ERC2: variants seen among roughly 807,000 people sequenced by gnomAD.
The protein encoded by ERC2 is ERC protein 2.
A neutral mutation model predicts 114.8 loss-of-function variants in ERC2; 42 were observed. The ratio of observed to expected loss-of-function variants is 0.37; its 90% confidence interval spans 0.29 to 0.47. The LOEUF (loss-of-function observed/expected upper bound fraction) is 0.47. ERC2 is among the 20% of genes least tolerant of loss of function. The pLI, the probability that ERC2 is intolerant of heterozygous loss-of-function variation, is 0.99. For missense variants in ERC2, 939 were observed against 1,150.7 expected (o/e 0.82, Z 2.66); for synonymous variants, 454 against 425.5 (o/e 1.07, Z -0.82).
chr3:56,250,301 G>T (rs2052055433), intron 3 of ERC2, among the ~76,000 whole-genome samples: 1 of 152,170 alleles, frequency 6.6e-6, no homozygotes, highest in South Asian at 2.1e-4. Context: ...AAAAAGCAAA[G>T]AAAAATCTCC....
chr3:56,179,989 C>T (rs904580130), intron 3 of ERC2, among the ~76,000 whole-genome samples: 3 of 151,884 alleles, frequency 2.0e-5, no homozygotes, highest in Admixed American at 6.6e-5. Flanking sequence ...CAGGGGTACT[C>T]CAAGAGTGAG....
chr3:56,383,558 C>T (rs559943389), intron 2 of ERC2, among the ~76,000 whole-genome samples: 2 of 152,282 alleles, frequency 1.3e-5, no homozygotes, highest in East Asian at 1.9e-4. Flanking sequence ...GGATACTCAA[C>T]AAAATGTGCT....
chr3:55,954,066 A>G (rs189481325), intron 12 of ERC2, among the ~76,000 whole-genome samples: 35 of 124,064 alleles, frequency 2.8e-4, no homozygotes, highest in Non-Finnish European at 3.8e-4. Context: ...CAAGAGACTG[A>G]CTTGCTCCAT....
intron 17 of ERC2, among the ~76,000 whole-genome samples, chr3:55,534,567 A>G (rs2053873812): frequency 1.3e-5 from 2 of 151,928 alleles, no homozygotes; most frequent in African/African-American, 2.4e-5. Context: ...GTAGTAGCAC[A>G]CGCCTGTAGT....
intron 2 of ERC2, among the ~76,000 whole-genome samples, chr3:56,299,134 TGTTTG>T (rs2055682199): frequency 2.2e-5 from 2 of 92,372 alleles, no homozygotes; most frequent in African/African-American, 6.4e-5. Context: ...TTTTTTTGTT[TGTTTG>T]TTTTTTGAGA....
rs144774924 is a variant in ERC2 at position 55,841,842 on chromosome 3, C to G, written c.2564+46547G>C. Among the ~76,000 whole-genome samples, 1,295 of 152,202 alleles carry G rather than the reference C, an allele frequency of 8.5e-3. 24 individuals are homozygous for G. Among genetic ancestry groups the G allele is most frequent in the African/African-American group, 0.03 (1,238 of 41,542 alleles). On this transcript the variant is annotated intron_variant, in intron 14 of 17. Coordinates refer to ENST00000288221, the MANE Select transcript of ERC2 (RefSeq NM_015576.3). Reference sequence around the variant, plus strand: ...GGCCGCATAGTGTTGGGGATCCATCCTAGATTTGTCCAACTTCAGAGCCCA... The same window carrying G: ...GGCCGCATAGTGTTGGGGATCCATCGTAGATTTGTCCAACTTCAGAGCCCA...
chr3:56,262,161 G>A (rs892361009), intron 3 of ERC2, among the ~76,000 whole-genome samples: 1 of 152,114 alleles, frequency 6.6e-6, no homozygotes, highest in African/African-American at 2.4e-5. Flanking sequence ...TGTGAATAGT[G>A]CTATTCTTTG....
At chr3:55,899,302 A>G (rs2064001543) in intron 13 of ERC2, among the ~76,000 whole-genome samples, 1 of 152,204 alleles carries the variant, frequency 6.6e-6, no homozygotes. Flanking sequence ...AGGATATATA[A>G]TAAGGGATTT....
intron 17 of ERC2, among the ~76,000 whole-genome samples, chr3:55,667,866 T>A (rs78712160): frequency 7.2e-6 from 1 of 139,238 alleles, no homozygotes; most frequent in East Asian, 2.1e-4. Flanking sequence ...CTGGAGAACA[T>A]GCTCTATGCC....
intron 7 of ERC2, among the ~76,000 whole-genome samples, chr3:56,072,767 G>T (rs2076799568): frequency 6.6e-6 from 1 of 152,166 alleles, no homozygotes; most frequent in Admixed American, 6.5e-5. Flanking sequence ...TCAAATGACT[G>T]CAATGCTGGT....
intron 14 of ERC2, among the ~76,000 whole-genome samples, chr3:55,870,367 A>T (rs1318282004): frequency 6.6e-6 from 1 of 152,140 alleles, no homozygotes; most frequent in East Asian, 1.9e-4. Context: ...GAGCCACCAT[A>T]CCCGGCAGGG....
At chr3:56,001,089 GA>G (rs1461728922) in intron 10 of ERC2, among the ~76,000 whole-genome samples, 1 of 150,396 alleles carries the variant, frequency 6.6e-6, no homozygotes, top group African/African-American at 2.4e-5. Context: ...ATAAGAAAAA[GA>G]AAAAGTAACA....
At chr3:56,111,166 T>C (rs957804384) in intron 6 of ERC2, among the ~76,000 whole-genome samples, 2 of 152,176 alleles carry the variant, frequency 1.3e-5, no homozygotes, top group Non-Finnish European at 2.9e-5. Flanking sequence ...ACTCAAATCC[T>C]GTGCTTCAGT....
chr3:56,448,436 C>T (rs907772017), intron 1 of ERC2, among the ~76,000 whole-genome samples: 1 of 152,166 alleles, frequency 6.6e-6, no homozygotes, highest in Non-Finnish European at 1.5e-5. Flanking sequence ...GAATTTTGAA[C>T]TTAGAATACT....
chr3:55,547,550 T>A (rs1261693980), intron 17 of ERC2, among the ~76,000 whole-genome samples: 2 of 152,196 alleles, frequency 1.3e-5, no homozygotes. Context: ...CTCCGGCAGC[T>A]CCTCTTTAGA....
intron 13 of ERC2, among the ~76,000 whole-genome samples, chr3:55,945,403 G>C (rs1209570570): frequency 6.6e-6 from 1 of 152,182 alleles, no homozygotes; most frequent in Non-Finnish European, 1.5e-5. Flanking sequence ...AATTGAAAAA[G>C]AAATGAATTT....
At chr3:55,558,203 C>T (rs768778198) in intron 17 of ERC2, among the ~76,000 whole-genome samples, 1 of 152,168 alleles carries the variant, frequency 6.6e-6, no homozygotes, top group Non-Finnish European at 1.5e-5. Context: ...CTGTCTTTGC[C>T]AATTGACTAA....
chr3:56,441,373 C>G (rs1212269817), intron 1 of ERC2, among the ~76,000 whole-genome samples: 1 of 152,156 alleles, frequency 6.6e-6, no homozygotes, highest in African/African-American at 2.4e-5. Flanking sequence ...CCAATCAACC[C>G]ACTGAATCAG....
At chr3:55,661,086 G>C (rs1030195356) in intron 17 of ERC2, among the ~76,000 whole-genome samples, 1 of 152,160 alleles carries the variant, frequency 6.6e-6, no homozygotes, top group Non-Finnish European at 1.5e-5. Context: ...GGTTCAACTC[G>C]TCTGTGCATT....
Sources: gnomAD v4.1 joint callset for allele counts (sites outside exome capture counted in the v4.1 genomes callset) on GRCh38, gnomAD v4.1.1 for gene constraint, MANE v1.5 for transcripts, NCBI Gene and HGNC (gene_info 2026-07-23, HGNC 2026-07-21) for gene names.